Variants in PKHD1 observed in about 807,000 individuals in gnomAD.
PKHD1 encodes the protein fibrocystin.
In PKHD1, 291 loss-of-function variants were observed where a neutral mutation model predicts 412.0. The observed-to-expected ratio is 0.71, with a 90% CI of 0.64 to 0.78. The LOEUF is 0.78. Among genes scored for constraint, PKHD1 ranks in the 30% least tolerant of loss-of-function variants. PKHD1 has a pLI of 0.00. For missense variants in PKHD1, 4,825 were observed against 4,950.7 expected (o/e 0.97, Z 0.76); for synonymous variants, 1,777 against 1,821.5 (o/e 0.98, Z 0.62).
chr6:51,753,640 G>T (rs1381743890), intron 56 of PKHD1, among the ~76,000 whole-genome samples: 1 of 152,156 alleles, frequency 6.6e-6, no homozygotes, highest in Non-Finnish European at 1.5e-5. Context: ...AGGGAAGTCA[G>T]GGCAGACCTG....
intron 51 of PKHD1, among the ~76,000 whole-genome samples, chr6:51,836,130 G>C (rs1356068515): frequency 6.6e-6 from 1 of 152,164 alleles, no homozygotes; most frequent in Non-Finnish European, 1.5e-5. Flanking sequence ...GGAGTCCTAT[G>C]TGCACATATG....
chr6:51,845,716 G>A (rs1771031257), intron 50 of PKHD1, among the ~76,000 whole-genome samples: 1 of 152,114 alleles, frequency 6.6e-6, no homozygotes, highest in African/African-American at 2.4e-5. Context: ...TTACACAGAT[G>A]TGCATTTATA....
At chr6:52,034,349 G>A (rs1803589468) in intron 28 of PKHD1, among the ~76,000 whole-genome samples, 1 of 145,840 alleles carries the variant, frequency 6.9e-6, no homozygotes, top group Admixed American at 7.0e-5. Flanking sequence ...ACTTGAAGAA[G>A]GGGGAGGAGG....
chr6:51,640,661 A>G (rs916545973), intron 63 of PKHD1, among the ~76,000 whole-genome samples: 4 of 152,164 alleles, frequency 2.6e-5, no homozygotes, highest in African/African-American at 9.7e-5. Context: ...TCTGCAGGAT[A>G]GATAGTTTCT....
intron 49 of PKHD1, among the ~76,000 whole-genome samples, chr6:51,851,685 T>C (rs1772272619): frequency 6.6e-6 from 1 of 152,240 alleles, no homozygotes; most frequent in Middle Eastern, 3.2e-3. Flanking sequence ...GATTTTCTAG[T>C]TTATTTGCAT....
At chr6:52,014,376 C>G (rs532520494) in intron 34 of PKHD1, among the ~76,000 whole-genome samples, 1 of 152,198 alleles carries the variant, frequency 6.6e-6, no homozygotes, top group Non-Finnish European at 1.5e-5. Flanking sequence ...TGTTTATTAT[C>G]TGACTTTCTT....
intron 65 of PKHD1, among the ~76,000 whole-genome samples, chr6:51,630,627 G>C (rs777761972): frequency 5.3e-5 from 8 of 152,058 alleles, no homozygotes. Flanking sequence ...AAGGTCCTTA[G>C]ACCCAAATTG....
intron 24 of PKHD1, 128 bp downstream of exon 24, chr6:52,045,876 C>G: frequency 1.4e-6 from 1 of 727,228 alleles, no homozygotes; most frequent in Non-Finnish European, 2.4e-6. Flanking sequence ...CATAGAATCC[C>G]TTTACTCAAA....
At chr6:51,640,118 G>A (rs561866613) in intron 63 of PKHD1, among the ~76,000 whole-genome samples, 229 of 152,200 alleles carry the variant, frequency 1.5e-3, no homozygotes, top group African/African-American at 5.3e-3. Context: ...TCAAAATTAT[G>A]GTCAATAAAC....
chr6:51,647,644 G>A (rs1246334217), intron 63 of PKHD1, among the ~76,000 whole-genome samples: 2 of 152,040 alleles, frequency 1.3e-5, no homozygotes, highest in African/African-American at 2.4e-5. Flanking sequence ...TTGGTAAATT[G>A]CTCCCTGGCC....
intron 60 of PKHD1, among the ~76,000 whole-genome samples, chr6:51,680,707 G>C (rs2150562090): frequency 6.6e-6 from 1 of 152,052 alleles, no homozygotes; most frequent in African/African-American, 2.4e-5. Flanking sequence ...TAGATTCCCA[G>C]TGTCTTTATT....
At chr6:52,003,313 T>C (rs541289870) in intron 35 of PKHD1, among the ~76,000 whole-genome samples, 1 of 152,208 alleles carries the variant, frequency 6.6e-6, no homozygotes, top group African/African-American at 2.4e-5. Flanking sequence ...TGTGGAGTCT[T>C]GGTCTTGTCA....
Position 52,043,738 on chromosome 6 carries a change from G to T in PKHD1, c.2716-8C>A. On this transcript the variant is annotated splice_polypyrimidine_tract_variant and splice_region_variant and intron_variant, in intron 25 of 66. Transcript: ENST00000371117. ...ATTCACTCGCACAACCACCTGAAAT[G>T]AGGCAAAATTTCTTTTCCATTTTAT... 6.2e-7 allele frequency: 1 copy of T among 1,608,376 alleles called. No homozygotes were observed. The highest frequency in any genetic ancestry group is 1.3e-5 in the African/African-American group (1 of 74,898).
At position 52,073,412 on chromosome 6, in the gene PKHD1, C is replaced by A. The variant is rs62406055; in HGVS notation, c.527+51G>T. ...CATCAGGGAAGCTGGTCCCAGGAAG[C>A]CATGCAGCATGTATGTAACTAGTTA... On this transcript the variant is annotated intron_variant, in intron 7 of 66. Transcript: ENST00000371117. 74,526 of 1,089,924 alleles carry A rather than the reference C, an allele frequency of 0.068. 2,927 individuals are homozygous for A. Among genetic ancestry groups the A allele is most frequent in the East Asian group, 0.12 (5,057 of 42,500 alleles). 67.5% of individuals were successfully genotyped at this position (1,089,924 alleles called of 1,614,324 possible). A position where few individuals can be genotyped will look rare whatever the true frequency, so the allele number is the denominator to read the frequency against.
At chr6:51,778,139 G>A (rs1791370028) in intron 53 of PKHD1, among the ~76,000 whole-genome samples, 1 of 152,062 alleles carries the variant, frequency 6.6e-6, no homozygotes, top group Non-Finnish European at 1.5e-5. Flanking sequence ...ATCAAAGAAA[G>A]GTGAGGTGCT....
At chr6:51,870,242 T>C (rs1164363217) in intron 47 of PKHD1, among the ~76,000 whole-genome samples, 1 of 152,186 alleles carries the variant, frequency 6.6e-6, no homozygotes, top group Non-Finnish European at 1.5e-5. Context: ...TCTCTGCCTT[T>C]ATGAAGGTCA....
chr6:51,689,679 C>G (rs113039287), intron 60 of PKHD1, among the ~76,000 whole-genome samples: 2,275 of 152,316 alleles, frequency 0.015, 68 homozygotes, highest in African/African-American at 0.052. Context: ...GCAAAAATCA[C>G]TAGCATTCCT....
At chr6:52,053,324 C>T in intron 20 of PKHD1, 73 bp from the exon 21 acceptor site, 2 of 1,489,172 alleles carry the variant, frequency 1.3e-6, no homozygotes, top group Non-Finnish European at 1.8e-6. Context: ...AGCCCTTGTT[C>T]CCAACCTGGG....
chr6:52,054,123 T>A lies in PKHD1; in HGVS notation c.1879A>T (p.Met627Leu). The part of the protein sequence containing the change: ...YKGHMNKILK[M>L]IVSFTIGFQN... Reference sequence around the variant, plus strand: ...AAGCCGATTGTGAAGGACACAATCATCTTCAGGATCTTGTTCATGTGGCCT... The same window carrying A: ...AAGCCGATTGTGAAGGACACAATCAACTTCAGGATCTTGTTCATGTGGCCT... The change falls in exon 20 of 67, where the codon ATG becomes TTG. Residue 627 changes from methionine (M) to leucine (L), a missense_variant. By Grantham distance (15) the Met-to-Leu change is conservative. Coordinates refer to ENST00000371117, the MANE Select transcript of PKHD1 (RefSeq NM_138694.4). The A allele has an allele frequency of 6.2e-7, 1 of 1,613,348 alleles. No homozygotes were observed. The highest frequency in any genetic ancestry group is 8.5e-7 in the Non-Finnish European group (1 of 1,179,258).
Sources: allele counts gnomAD v4.1 joint callset (sites outside exome capture counted in the v4.1 genomes callset), GRCh38; gene constraint gnomAD v4.1.1; transcripts MANE v1.5; gene names NCBI Gene and HGNC (gene_info 2026-07-23, HGNC 2026-07-21).